ZNF268: variants seen among roughly 807,000 people sequenced by gnomAD.
The protein encoded by ZNF268 is zinc finger protein 268.
Under a neutral mutation model 29.3 loss-of-function variants are expected in ZNF268, and 20 were observed. That is an observed-to-expected ratio of 0.68 (90% CI 0.48 to 0.99). The LOEUF (loss-of-function observed/expected upper bound fraction) is 0.99. ZNF268 is among the 50% of genes least tolerant of loss of function. The pLI, the probability that ZNF268 is intolerant of heterozygous loss-of-function variation, is 0.00. For missense variants in ZNF268, 1,240 were observed against 1,121.6 expected (o/e 1.11, Z -1.51); for synonymous variants, 429 against 376.9 (o/e 1.14, Z -1.60).
At position 133,204,571 on chromosome 12, in the gene ZNF268, G is replaced by C. The variant is rs150264265; in HGVS notation, c.*41G>C. On this transcript the variant is annotated 3_prime_UTR_variant, in exon 6 of 6. Coordinates refer to ENST00000536435, the MANE Select transcript of ZNF268 (RefSeq NM_003415.3). ...CTGAAAAGTGGATTCACAAGAGATA[G>C]AAACAATCATATATAAAGAGAAACT... 9.3e-4 allele frequency: 1,290 copies of C among 1,383,224 alleles called. 13 individuals are homozygous for C. The African/African-American group carries it at 0.017, about 19-fold the overall frequency. 85.7% of individuals were successfully genotyped at this position (1,383,224 alleles called of 1,614,324 possible). A position where few individuals can be genotyped will look rare whatever the true frequency, so the allele number is the denominator to read the frequency against.
Position 133,187,795 on chromosome 12 carries a change from T to C in ZNF268, c.34-77T>C, listed in dbSNP as rs918946537. Reference sequence around the variant, plus strand: ...TTTTCTAACGTGTTTCTCTCACATTTATGTGATGTGACCCCTATTTCCTTT... The same window carrying C: ...TTTTCTAACGTGTTTCTCTCACATTCATGTGATGTGACCCCTATTTCCTTT... On this transcript the variant is annotated intron_variant, in intron 2 of 5. Coordinates refer to ENST00000536435, the MANE Select transcript of ZNF268 (RefSeq NM_003415.3). 31 of 1,360,470 alleles carry C rather than the reference T, an allele frequency of 2.3e-5. No homozygotes were observed. In the African/African-American group the frequency reaches 4.4e-4, roughly 19 times the overall value. 84.3% of individuals were successfully genotyped at this position (1,360,470 alleles called of 1,614,324 possible). A position where few individuals can be genotyped will look rare whatever the true frequency, so the allele number is the denominator to read the frequency against.
At chr12:133,201,078 G>A (rs1254848568) in intron 5 of ZNF268, among the ~76,000 whole-genome samples, 2 of 152,018 alleles carry the variant, frequency 1.3e-5, no homozygotes, top group Non-Finnish European at 2.9e-5. Flanking sequence ...CAAGTATACA[G>A]TGATTTATTT....
At chr12:133,181,731 TA>T (rs1342655555) in intron 1 of ZNF268, 45 bp downstream of exon 1, 1 of 503,366 alleles carries the variant, frequency 2.0e-6, no homozygotes, top group Non-Finnish European at 3.6e-6. Context: ...GGGACAGAAC[TA>T]ATCTGCCTTA....
rs1957026618 is a variant in ZNF268, at chr12:133,214,374, A to C, written c.*9844A>C. 6.6e-6 allele frequency: 1 copy of C among 152,182 alleles called. No individual in the cohort carries two copies. 9.4% of individuals were successfully genotyped at this position (152,182 alleles called of 1,614,324 possible). On this transcript the variant is annotated 3_prime_UTR_variant, in exon 6 of 6. Transcript: ENST00000536435. The stretch of plus-strand genomic sequence containing the variant: ...TGCTACAACGTGGAGGAACCTCAGA[A>C]ACATTGTGCTGAGAACCCAGCACAA...
intron 4 of ZNF268, 90 bp from the exon 5 acceptor site, chr12:133,191,818 G>C: frequency 6.6e-7 from 1 of 1,521,110 alleles, no homozygotes; most frequent in Non-Finnish European, 9.1e-7. Flanking sequence ...GCTTCATCAT[G>C]CTACCTCCAA....
In ZNF268 at chr12:133,204,113, A is replaced by G. The variant is rs1459219583; in HGVS notation, c.2427A>G (p.Glu809=). The G allele has an allele frequency of 1.9e-5, 30 of 1,545,256 alleles. No homozygotes were observed. Among genetic ancestry groups the G allele is most frequent in the Non-Finnish European group, 2.4e-5 (27 of 1,147,984 alleles). Residue 809 remains glutamate, a synonymous_variant, in exon 6 of 6, where the codon GAA becomes GAG. Transcript: ENST00000536435. ...CTCATTCAGGTGAAAAACCATATGA[A>G]TGTAATGAATGTGGGAAAGCCTTCA... The part of the protein sequence containing the change: ...MRTHSGEKPY[E]CNECGKAFIW...
At chr12:133,186,667 T>C (rs11147285) in intron 2 of ZNF268, among the ~76,000 whole-genome samples, 94,504 of 151,912 alleles carry the variant, frequency 0.62, 30,787 homozygotes, top group African/African-American at 0.79. Flanking sequence ...CATGAGCCAC[T>C]GCGCCCAGCC....
Position 133,203,930 on chromosome 12 carries a change from A to T in ZNF268, c.2244A>T (p.Gly748=). The T allele has an allele frequency of 6.3e-7, 1 of 1,592,632 alleles. No homozygotes were observed. Among genetic ancestry groups the T allele is most frequent in the Non-Finnish European group, 8.5e-7 (1 of 1,171,592 alleles). Residue 748 remains glycine (G), a synonymous_variant, in exon 6 of 6, where the codon GGA becomes GGT. Transcript: ENST00000536435. The part of the protein sequence containing the change: ...QLIVHQRIHT[G]ENPYECSECG... The stretch of plus-strand genomic sequence containing the variant: ...TTGTGCATCAGAGAATTCACACAGG[A>T]GAAAATCCCTATGAATGCAGTGAAT...
intron 5 of ZNF268, among the ~76,000 whole-genome samples, chr12:133,199,807 T>G (rs1386130293): frequency 6.6e-6 from 1 of 152,262 alleles, no homozygotes; most frequent in East Asian, 1.9e-4. Context: ...CTTTAGATTT[T>G]CTAGTTTATT....
rs556874332 is a variant in ZNF268, at chr12:133,211,709, A to T, written c.*7179A>T. 1 of 152,390 alleles carries T rather than the reference A, an allele frequency of 6.6e-6. No homozygotes were observed. Among genetic ancestry groups the T allele is most frequent in the Non-Finnish European group, 1.5e-5 (1 of 68,070 alleles). 9.4% of individuals were successfully genotyped at this position (152,390 alleles called of 1,614,324 possible). On this transcript the variant is annotated 3_prime_UTR_variant, in exon 6 of 6. Coordinates refer to ENST00000536435, the MANE Select transcript of ZNF268 (RefSeq NM_003415.3). ...ATAGCACCGCACATCTATTAAAGTGACTATAATCTAAAAATAAGTAAATTT... is the reference window on the plus strand; with the variant it reads ...ATAGCACCGCACATCTATTAAAGTGTCTATAATCTAAAAATAAGTAAATTT...
In ZNF268 at chr12:133,205,935, G is replaced by A. The variant is rs1195848838; in HGVS notation, c.*1405G>A. The A allele has an allele frequency of 6.6e-6, 1 of 152,166 alleles. No individual in the cohort carries two copies. The highest frequency in any genetic ancestry group is 1.5e-5 in the Non-Finnish European group (1 of 68,016). 9.4% of individuals were successfully genotyped at this position (152,166 alleles called of 1,614,324 possible). A position where few individuals can be genotyped will look rare whatever the true frequency, so the allele number is the denominator to read the frequency against. On this transcript the variant is annotated 3_prime_UTR_variant, in exon 6 of 6. Transcript: ENST00000536435. ...GTTCAGAAAAGCAACATGAGCTTTT[G>A]TTCTGTGGTAGCATGTTGATGTAAT...
In ZNF268 at chr12:133,203,496, A is replaced by G. The variant is rs1956810602; in HGVS notation, c.1810A>G (p.Arg604Gly). The change falls in exon 6 of 6, where the codon AGA (arginine) becomes GGA (glycine). Residue 604 changes from arginine to glycine, a missense_variant. Around this residue, in one of 3 missense-constraint regions of ZNF268, gnomAD observed 1,177 missense variants for 1,039.6 expected, o/e 1.13. Coordinates refer to ENST00000536435, the MANE Select transcript of ZNF268 (RefSeq NM_003415.3). ...AAAGTCACAGCTTATTATACACCAG[A>G]GAACTCATACAGGGGAGAAACCATT... Reference protein sequence around the residue: ...GLKSQLIIHQRTHTGEKPFEC... With the variant: ...GLKSQLIIHQGTHTGEKPFEC... The G allele has an allele frequency of 6.5e-7, 1 of 1,543,846 alleles. No homozygotes were observed.
chr12:133,197,431 C>G (rs1365637594), intron 5 of ZNF268, among the ~76,000 whole-genome samples: 2 of 151,642 alleles, frequency 1.3e-5, no homozygotes, highest in African/African-American at 2.4e-5. Flanking sequence ...TTAATCCAGT[C>G]TATCATTGAT....
At chr12:133,183,865 A>G (rs1181181017) in intron 2 of ZNF268, among the ~76,000 whole-genome samples, 1 of 152,228 alleles carries the variant, frequency 6.6e-6, no homozygotes, top group Non-Finnish European at 1.5e-5. Context: ...AAGAAAAGTA[A>G]GACAAAATAG....
rs1956949360 is a variant in ZNF268, at chr12:133,209,453, AT to A, written c.*4926del. 6.6e-6 allele frequency: 1 copy of A among 152,234 alleles called. No individual in the cohort carries two copies. The highest frequency in any genetic ancestry group is 1.5e-5 in the Non-Finnish European group (1 of 68,048). 9.4% of individuals were successfully genotyped at this position (152,234 alleles called of 1,614,324 possible). A position where few individuals can be genotyped will look rare whatever the true frequency, so the allele number is the denominator to read the frequency against. The stretch of plus-strand genomic sequence containing the variant: ...ATTTTGGTATAAATGATATATTTAA[AT>A]TTAAATGAAGTTGCAAGTTTTAACA... On this transcript the variant is annotated 3_prime_UTR_variant, in exon 6 of 6. Transcript: ENST00000536435.
At chr12:133,193,625 G>A in intron 5 of ZNF268, 1 of 494,286 alleles carries the variant, frequency 2.0e-6, no homozygotes, top group Admixed American at 3.6e-5. Context: ...ATTCATGAGG[G>A]CACAACTTAA....
At chr12:133,188,106 C>G in intron 3 of ZNF268, 34 bp downstream of exon 3, 1 of 1,431,394 alleles carries the variant, frequency 7.0e-7, no homozygotes, top group Non-Finnish European at 9.3e-7. Flanking sequence ...CTAGTGTTTT[C>G]TTTATTACCT....
chr12:133,199,905 G>T (rs545790114), intron 5 of ZNF268, among the ~76,000 whole-genome samples: 3 of 151,888 alleles, frequency 2.0e-5, no homozygotes, highest in South Asian at 2.1e-4. Context: ...TTTTTATTGC[G>T]TCTATTTTAT....
chr12:133,204,118 A>T lies in ZNF268; in HGVS notation c.2432A>T (p.Asn811Ile), dbSNP rs868741119. ...THSGEKPYECNECGKAFIWKS... is the reference protein window; with the variant it reads ...THSGEKPYECIECGKAFIWKS... Reference sequence around the variant, plus strand: ...TCAGGTGAAAAACCATATGAATGTAATGAATGTGGGAAAGCCTTCATTTGG... The same window carrying T: ...TCAGGTGAAAAACCATATGAATGTATTGAATGTGGGAAAGCCTTCATTTGG... The change falls in exon 6 of 6, where the codon AAT becomes ATT. Residue 811 changes from asparagine to isoleucine, a missense_variant. Physicochemically the swap from Asn to Ile is moderately radical, Grantham distance 149. Transcript: ENST00000536435. 6.5e-7 allele frequency: 1 copy of T among 1,544,986 alleles called. No individual in the cohort carries two copies. Among genetic ancestry groups the T allele is most frequent in the Admixed American group, 2.0e-5 (1 of 50,986 alleles).
Sources: gnomAD v4.1 joint callset for allele counts (sites outside exome capture counted in the v4.1 genomes callset) on GRCh38, gnomAD v4.1.1 for gene constraint, gnomAD v4.1.1 regional missense constraint, MANE v1.5 for transcripts, NCBI Gene and HGNC (gene_info 2026-07-23, HGNC 2026-07-21) for gene names.